The following USP6NL variants were observed in gnomAD, a reference collection of about 807,000 sequenced individuals.
The protein encoded by USP6NL is USP6 N-terminal-like protein.
In USP6NL, 26 loss-of-function variants were observed where a neutral mutation model predicts 61.9. The ratio of observed to expected loss-of-function variants is 0.42; its 90% CI spans 0.31 to 0.58. The LOEUF (loss-of-function observed/expected upper bound fraction) is 0.58, where lower values mean the gene tolerates loss of function less well. Among genes scored for constraint, USP6NL ranks in the 20% least tolerant of loss-of-function variants. The pLI is 0.16. For synonymous variants in USP6NL, 432 were observed against 390.1 expected (o/e 1.11, Z -1.27); for missense variants, 1,114 against 1,034.3 (o/e 1.08, Z -1.06).
At chr10:11,475,125 C>G (rs1190764583) in intron 14 of USP6NL, among the ~76,000 whole-genome samples, 3 of 152,104 alleles carry the variant, frequency 2.0e-5, no homozygotes, top group African/African-American at 4.8e-5. Flanking sequence ...AAAGTGCTGC[C>G]AAATGGCTTC....
At position 11,526,407 on chromosome 10, in the gene USP6NL, G is replaced by A. The variant is rs150042670; in HGVS notation, c.73-939C>T. On this transcript the variant is annotated intron_variant, in intron 3 of 14. Transcript: ENST00000609104. The stretch of plus-strand genomic sequence containing the variant: ...TCTATGAATCCCCAAGGCCCAGCAC[G>A]ATGCCTGGACTGTGTTAATTGTGTG... Among the ~76,000 whole-genome samples, 418 of 152,278 alleles carry A rather than the reference G, an allele frequency of 2.7e-3. 1 individual carries two copies. Among genetic ancestry groups the A allele is most frequent in the Middle Eastern group, 6.8e-3 (2 of 294 alleles).
intron 2 of USP6NL, among the ~76,000 whole-genome samples, chr10:11,545,275 G>C (rs1188805736): frequency 6.6e-6 from 1 of 151,566 alleles, no homozygotes; most frequent in East Asian, 1.9e-4. Flanking sequence ...AGGAGGATTT[G>C]GGGTAAGGTC....
intron 7 of USP6NL, among the ~76,000 whole-genome samples, chr10:11,497,093 CTTTTT>C (rs11287847): frequency 7.6e-6 from 1 of 130,746 alleles, no homozygotes; most frequent in Admixed American, 7.6e-5. Flanking sequence ...TCTCTTCCAT[CTTTTT>C]TTTTTTTTTT....
rs1442972425 is a variant in USP6NL, at chr10:11,510,556, A to T, written c.196-881T>A. ...TCAGGGGCAAGGCTGCGGAATGGGG[A>T]AAGTGAGACGGAAAATGCTCGCTCT... On this transcript the variant is annotated intron_variant, in intron 5 of 14. Transcript: ENST00000609104. The surrounding 1 kb of genome is among the most constrained non-coding windows in gnomAD (Gnocchi z 4.8). 6.6e-6 allele frequency among the ~76,000 whole-genome samples: 1 copy of T among 152,156 alleles called. No individual in the cohort carries two copies. The highest frequency in any genetic ancestry group is 2.1e-4 in the South Asian group (1 of 4,828).
At position 11,460,622 on chromosome 10, in the gene USP6NL, T is replaced by TGC. The variant is rs2096210704; in HGVS notation, c.*1817_*1818dup. Reference sequence around the variant, plus strand: ...TGCTTGTGTGTATATATATATTTTTTGCATATATATATATATATATATATA... The same window carrying TGC: ...TGCTTGTGTGTATATATATATTTTTTGCGCATATATATATATATATATATATA... On this transcript the variant is annotated 3_prime_UTR_variant, in exon 15 of 15. Transcript: ENST00000609104. 9.7e-6 allele frequency: 1 copy of TGC among 102,704 alleles called. No homozygotes were observed. Among genetic ancestry groups the TGC allele is most frequent in the Non-Finnish European group, 1.8e-5 (1 of 54,172 alleles). 6.4% of individuals were successfully genotyped at this position (102,704 alleles called of 1,614,324 possible).
rs541284917 is a variant in USP6NL at position 11,552,699 on chromosome 10, A to G, written c.5-25132T>C. Reference sequence around the variant, plus strand: ...AATGGGAAACATATCCACTAAACATATTCTTAGCTTTAGGTAATGAAACAC... The same window carrying G: ...AATGGGAAACATATCCACTAAACATGTTCTTAGCTTTAGGTAATGAAACAC... On this transcript the variant is annotated intron_variant, in intron 2 of 14. Coordinates refer to ENST00000609104, the MANE Select transcript of USP6NL (RefSeq NM_014688.5). Among the ~76,000 whole-genome samples, 196 of 152,352 alleles carry G rather than the reference A, an allele frequency of 1.3e-3. 2 individuals are homozygous for G. Among genetic ancestry groups the G allele is most frequent in the African/African-American group, 4.5e-3 (186 of 41,576 alleles).
At chr10:11,541,099 G>A (rs942454920) in intron 2 of USP6NL, among the ~76,000 whole-genome samples, 1 of 151,456 alleles carries the variant, frequency 6.6e-6, no homozygotes, top group Non-Finnish European at 1.5e-5. Context: ...TGCGTTATAT[G>A]TATCTCATGT....
rs772485203 is a variant in USP6NL at position 11,597,074 on chromosome 10, C to A, written c.4+557G>T. On this transcript the variant is annotated intron_variant, in intron 2 of 14. Coordinates refer to ENST00000609104, the MANE Select transcript of USP6NL (RefSeq NM_014688.5). The surrounding 1 kb of genome is among the most constrained non-coding windows in gnomAD (Gnocchi z 4.6). Reference sequence around the variant, plus strand: ...TAACACAAAAAAGTAAAATCCAGTTCTCTTGTTCACAAGCAGAAGTATATA... The same window carrying A: ...TAACACAAAAAAGTAAAATCCAGTTATCTTGTTCACAAGCAGAAGTATATA... 1.3e-5 allele frequency among the ~76,000 whole-genome samples: 2 copies of A among 152,050 alleles called. No homozygotes were observed. Among genetic ancestry groups the A allele is most frequent in the Admixed American group, 6.6e-5 (1 of 15,264 alleles).
At position 11,597,622 on chromosome 10, in the gene USP6NL, C is replaced by T. The variant is rs1373639659; in HGVS notation, c.4+9G>A. On this transcript the variant is annotated intron_variant, in intron 2 of 14. Coordinates refer to ENST00000609104, the MANE Select transcript of USP6NL (RefSeq NM_014688.5). The surrounding 1 kb of genome is among the most constrained non-coding windows in gnomAD (Gnocchi z 4.6). ...AGATGGCTGGAAGGAAAGGAAGCAG[C>T]GCACTTACTCATGACTGGAAATGGG... 6 of 1,551,472 alleles carry T rather than the reference C, an allele frequency of 3.9e-6. No individual in the cohort carries two copies. Among genetic ancestry groups the T allele is most frequent in the Middle Eastern group, 1.7e-4 (1 of 5,992 alleles).
chr10:11,466,694 C>G (rs1832467674), intron 14 of USP6NL, among the ~76,000 whole-genome samples: 1 of 152,178 alleles, frequency 6.6e-6, no homozygotes, highest in African/African-American at 2.4e-5. Context: ...GCAATTTCAT[C>G]ACCGTGTGAA....
chr10:11,490,086 GAGGCCCAACT>G lies in USP6NL; in HGVS notation c.543+736_543+745del, dbSNP rs1168362066. Reference sequence around the variant, plus strand: ...CCCACCTTCCAGCTCCAATTCCGGTGAGGCCCAACTAGTGCTTCCTTCCTATGAGATGTCC... The same window carrying G: ...CCCACCTTCCAGCTCCAATTCCGGTGAGTGCTTCCTTCCTATGAGATGTCC... On this transcript the variant is annotated intron_variant, in intron 9 of 14. Coordinates refer to ENST00000609104, the MANE Select transcript of USP6NL (RefSeq NM_014688.5). The surrounding 1 kb of genome is among the most constrained non-coding windows in gnomAD (Gnocchi z 4.5). Among the ~76,000 whole-genome samples the G allele has an allele frequency of 2.0e-5, 3 of 152,302 alleles. No individual in the cohort carries two copies. Among genetic ancestry groups the G allele is most frequent in the Admixed American group, 6.5e-5 (1 of 15,300 alleles).
At chr10:11,519,276 A>C (rs1162711006) in intron 4 of USP6NL, among the ~76,000 whole-genome samples, 2 of 152,220 alleles carry the variant, frequency 1.3e-5, no homozygotes, top group Non-Finnish European at 2.9e-5. Context: ...AAAATAGCAT[A>C]AGGAAAAAAC....
Position 11,485,282 on chromosome 10 carries a change from T to G in USP6NL, c.760-48A>C, listed in dbSNP as rs977458985. ...ATTTATGGATTGTAGCAAACTAAAT[T>G]TAACAAAATAATACTAAGTTAGGAA... On this transcript the variant is annotated intron_variant, in intron 11 of 14. Transcript: ENST00000609104. This position sits in a 1 kb window ranked among gnomAD's most constrained non-coding sequence, Gnocchi z 4.8. 1 of 1,438,146 alleles carries G rather than the reference T, an allele frequency of 7.0e-7. No individual in the cohort carries two copies. The highest frequency in any genetic ancestry group is 9.3e-7 in the Non-Finnish European group (1 of 1,075,816). The allele number at this position is 1,438,146 out of a possible 1,614,324, so 89.1% of individuals were successfully genotyped here. A position where few individuals can be genotyped will look rare whatever the true frequency, so the allele number is the denominator to read the frequency against.
At chr10:11,601,976 A>C (rs1359909268) in intron 1 of USP6NL, among the ~76,000 whole-genome samples, 1 of 151,548 alleles carries the variant, frequency 6.6e-6, no homozygotes, top group Non-Finnish European at 1.5e-5. Context: ...GAACTGTCCT[A>C]CCCCCTAAAA....
rs1832853035 is a variant in USP6NL at position 11,473,701 on chromosome 10, C to T, written c.1078+8069G>A. On this transcript the variant is annotated intron_variant, in intron 14 of 14. Transcript: ENST00000609104. ...TGTCTGACCTCGGGCAGGTACTTAA[C>T]CTTGAAGCCCAAGTTTCCTCCTTGG... Among the ~76,000 whole-genome samples, 4 of 152,110 alleles carry T rather than the reference C, an allele frequency of 2.6e-5. No homozygotes were observed. In the South Asian group the frequency reaches 8.3e-4, roughly 32 times the overall value.
At position 11,545,251 on chromosome 10, in the gene USP6NL, G is replaced by A. The variant is rs180897100; in HGVS notation, c.5-17684C>T. Among the ~76,000 whole-genome samples the A allele has an allele frequency of 3.2e-3, 491 of 152,166 alleles. 2 individuals carry two copies. The highest frequency in any genetic ancestry group is 0.011 in the African/African-American group (450 of 41,534). On this transcript the variant is annotated intron_variant, in intron 2 of 14. Transcript: ENST00000609104. Reference sequence around the variant, plus strand: ...CTGCCCCACCCTCCCTCAGCCTCCAGTGATCTGACAGCCAGGAGGATTTGG... The same window carrying A: ...CTGCCCCACCCTCCCTCAGCCTCCAATGATCTGACAGCCAGGAGGATTTGG...
chr10:11,530,382 G>C (rs1835608221), intron 2 of USP6NL, among the ~76,000 whole-genome samples: 1 of 152,154 alleles, frequency 6.6e-6, no homozygotes, highest in South Asian at 2.1e-4. Flanking sequence ...CATATCCCAA[G>C]AAAATGTCAT....
At chr10:11,543,563 G>GA (rs902084173) in intron 2 of USP6NL, among the ~76,000 whole-genome samples, 28 of 149,444 alleles carry the variant, frequency 1.9e-4, no homozygotes, top group African/African-American at 5.7e-4. Flanking sequence ...AAGAAAAAAA[G>GA]AAAAAAAAAG....
intron 6 of USP6NL, among the ~76,000 whole-genome samples, chr10:11,505,036 C>T (rs967707478): frequency 3.3e-5 from 5 of 152,142 alleles, no homozygotes; most frequent in East Asian, 1.9e-4. Context: ...CTGGGGTGAG[C>T]GCCATGCATC....
Sources: gnomAD v4.1 joint callset for allele counts (sites outside exome capture counted in the v4.1 genomes callset) on GRCh38, gnomAD v4.1.1 for gene constraint, Gnocchi (gnomAD v3.1) non-coding constraint, MANE v1.5 for transcripts, NCBI Gene and HGNC (gene_info 2026-07-23, HGNC 2026-07-21) for gene names.